CALN1: variants seen among roughly 807,000 people sequenced by gnomAD.
CALN1 encodes the protein calneuron 1.
A neutral mutation model predicts 30.6 loss-of-function variants in CALN1; 17 were observed. The ratio of observed to expected loss-of-function variants is 0.56; its 90% CI spans 0.38 to 0.83. The LOEUF (loss-of-function observed/expected upper bound fraction) is 0.83. Among genes scored for constraint, CALN1 ranks in the 40% least tolerant of loss-of-function variants. CALN1 has a pLI of 0.00. For synonymous variants in CALN1, 156 were observed against 131.4 expected (o/e 1.19, Z -1.28); for missense variants, 291 against 354.9 (o/e 0.82, Z 1.45).
intron 3 of CALN1, among the ~76,000 whole-genome samples, chr7:72,138,034 T>TA (rs1241079767): frequency 2.6e-5 from 4 of 152,280 alleles, no homozygotes; most frequent in Non-Finnish European, 4.4e-5. Context: ...AAAATGAAAA[T>TA]AGACTATGGG....
intron 5 of CALN1, among the ~76,000 whole-genome samples, chr7:71,969,734 T>G (rs971705916): frequency 6.6e-6 from 1 of 152,112 alleles, no homozygotes; most frequent in Non-Finnish European, 1.5e-5. Context: ...TTTAAATATT[T>G]TATGAGTTGT....
At position 72,368,922 on chromosome 7, in the gene CALN1, C is replaced by G. The variant is rs567527608; in HGVS notation, c.119+34329G>C. ...CTCCACCTACTGGGTTCAAGCGATT[C>G]TCCTGCCTCAGCCTCCCAAGTAGCT... On this transcript the variant is annotated intron_variant, in intron 2 of 6. Transcript: ENST00000395275. 8.1e-5 allele frequency among the ~76,000 whole-genome samples: 12 copies of G among 147,664 alleles called. No individual in the cohort carries two copies. The South Asian group carries it at 2.6e-3, about 32-fold the overall frequency.
At chr7:72,008,465 T>C (rs1441919865) in intron 5 of CALN1, among the ~76,000 whole-genome samples, 1 of 145,240 alleles carries the variant, frequency 6.9e-6, no homozygotes, top group Non-Finnish European at 1.5e-5. Context: ...ATTATTATTA[T>C]AAATGATAAT....
chr7:72,218,557 G>T (rs1175254484), intron 3 of CALN1, among the ~76,000 whole-genome samples: 1 of 152,206 alleles, frequency 6.6e-6, no homozygotes, highest in African/African-American at 2.4e-5. Context: ...GTTGTGTGGG[G>T]TGAGGAATTG....
intron 3 of CALN1, among the ~76,000 whole-genome samples, chr7:72,195,536 TGGC>T (rs1468715213): frequency 2.0e-5 from 3 of 152,124 alleles, no homozygotes; most frequent in African/African-American, 7.2e-5. Context: ...CTAACATTCC[TGGC>T]TAATTTTTAA....
At chr7:72,461,932 C>A in the CALN1 span, among the ~76,000 whole-genome samples, 1 of 151,770 alleles carries the variant, frequency 6.6e-6, no homozygotes, top group East Asian at 1.9e-4. Context: ...TGCTTGAGCC[C>A]GGGAGGTGGA....
chr7:72,132,408 G>A (rs564219551), intron 3 of CALN1, among the ~76,000 whole-genome samples: 1 of 152,166 alleles, frequency 6.6e-6, no homozygotes, highest in Admixed American at 6.5e-5. Flanking sequence ...GTTTCTACTG[G>A]GTGTGTGTCG....
chr7:72,415,694 T>A (rs1360370008), upstream of CALN1, among the ~76,000 whole-genome samples: 1 of 152,222 alleles, frequency 6.6e-6, no homozygotes, highest in Non-Finnish European at 1.5e-5. Flanking sequence ...ACAATCTCAG[T>A]TTCGTCGATC....
intron 3 of CALN1, among the ~76,000 whole-genome samples, chr7:72,142,041 G>A (rs984783013): frequency 9.9e-5 from 15 of 152,172 alleles, no homozygotes; most frequent in Non-Finnish European, 1.9e-4. Flanking sequence ...AGCTCCCAGC[G>A]TGAGCGACGC....
rs199517610 is a variant in CALN1, at chr7:72,142,734, C to A, written c.245-36440G>T. Among the ~76,000 whole-genome samples the A allele has an allele frequency of 3.3e-4, 51 of 152,292 alleles. 1 individual carries two copies. In the East Asian group the frequency reaches 7.0e-3, roughly 21 times the overall value. On this transcript the variant is annotated intron_variant, in intron 3 of 6. Transcript: ENST00000395275. ...ACTGGGAAGCACCCCCCAGTAGGGG[C>A]AGACTGACACCTCACACGGCTGGGT...
chr7:72,198,255 G>A (rs925411025), intron 3 of CALN1, among the ~76,000 whole-genome samples: 1 of 152,100 alleles, frequency 6.6e-6, no homozygotes, highest in Non-Finnish European at 1.5e-5. Flanking sequence ...TACTTGCAAG[G>A]CTTTTTACTT....
chr7:72,106,707 AGGGAGGGAGGAAGGG>A (rs1807153341), intron 3 of CALN1, among the ~76,000 whole-genome samples: 1 of 29,610 alleles, frequency 3.4e-5, no homozygotes, highest in Non-Finnish European at 5.9e-5. Context: ...GGAGGAAGGG[AGGGAGGGAGGAAGGG>A]AGGGAGGGAG....
intron 2 of CALN1, among the ~76,000 whole-genome samples, chr7:72,323,333 T>C (rs553479086): frequency 2.6e-5 from 4 of 152,050 alleles, no homozygotes; most frequent in Non-Finnish European, 5.9e-5. Flanking sequence ...AAGCTACGGA[T>C]GTCAGGAAAA....
intron 2 of CALN1, among the ~76,000 whole-genome samples, chr7:72,294,167 A>G (rs964518149): frequency 6.6e-6 from 1 of 152,150 alleles, no homozygotes; most frequent in Non-Finnish European, 1.5e-5. Flanking sequence ...GCAACCACAA[A>G]AACAACACTA....
intron 2 of CALN1, among the ~76,000 whole-genome samples, chr7:72,334,522 A>ACCCCCCCC (rs199877727): frequency 1.3e-5 from 2 of 151,456 alleles, no homozygotes; most frequent in African/African-American, 4.9e-5. Flanking sequence ...CTCAACCTGT[A>ACCCCCCCC]CCCCCCCTCC....
intron 3 of CALN1, among the ~76,000 whole-genome samples, chr7:72,118,172 ATC>A (rs942678897): frequency 1.3e-5 from 2 of 152,178 alleles, no homozygotes; most frequent in African/African-American, 4.8e-5. Flanking sequence ...TAAAACATGA[ATC>A]TGACTCCTTC....
intron 2 of CALN1, among the ~76,000 whole-genome samples, chr7:72,381,940 A>C (rs1804927350): frequency 6.6e-6 from 1 of 152,228 alleles, no homozygotes; most frequent in Non-Finnish European, 1.5e-5. Context: ...AAAAATGCTT[A>C]AGAAGTTTTT....
chr7:72,150,127 C>A (rs1277652787), intron 3 of CALN1, among the ~76,000 whole-genome samples: 7 of 137,196 alleles, frequency 5.1e-5, no homozygotes, highest in South Asian at 2.4e-4. Context: ...AACTCCATCT[C>A]AAAAAAAAAA....
intron 5 of CALN1, among the ~76,000 whole-genome samples, chr7:71,863,713 G>GT (rs1044709969): frequency 6.6e-6 from 1 of 152,106 alleles, no homozygotes; most frequent in African/African-American, 2.4e-5. Flanking sequence ...ACAACTGACT[G>GT]TAAGATTAAG....
Sources: gnomAD v4.1 joint callset for allele counts (sites outside exome capture counted in the v4.1 genomes callset) on GRCh38, gnomAD v4.1.1 for gene constraint, MANE v1.5 for transcripts, NCBI Gene and HGNC (gene_info 2026-07-23, HGNC 2026-07-21) for gene names.